The following CFAP299 variants were observed in gnomAD, a reference collection of about 807,000 sequenced individuals.
CFAP299 encodes cilia- and flagella-associated protein 299.
In CFAP299, 21 loss-of-function variants were observed where a neutral mutation model predicts 27.0. The observed-to-expected ratio is 0.78, with a 90% confidence interval of 0.55 to 1.12. The LOEUF (loss-of-function observed/expected upper bound fraction) is 1.12. Among genes scored for constraint, CFAP299 ranks in the 50% most tolerant of loss-of-function variants. CFAP299 has a pLI of 0.00. For synonymous variants in CFAP299, 104 were observed against 98.1 expected (o/e 1.06, Z -0.36); for missense variants, 310 against 276.6 (o/e 1.12, Z -0.86).
At chr4:80,388,282 T>A in intron 2 of CFAP299, 1 of 688,980 alleles carries the variant, frequency 1.5e-6, no homozygotes, top group Non-Finnish European at 2.7e-6. Flanking sequence ...ATGTGAAGCC[T>A]GAAATGGCAG....
chr4:80,398,132 CA>C (rs1331623736), intron 2 of CFAP299, among the ~76,000 whole-genome samples: 4 of 152,056 alleles, frequency 2.6e-5, no homozygotes, highest in Non-Finnish European at 5.9e-5. Flanking sequence ...ACTTACAAGG[CA>C]TGTGAAGGAC....
rs372111422 is a variant in CFAP299, at chr4:80,436,956, T to C, written c.242+74072T>C. ...GCATAAAAAATAAGCATTTATTTTT[T>C]ACTCATGATTTGAAGGAATTGCTTT... On this transcript the variant is annotated intron_variant, in intron 2 of 5. Transcript: ENST00000358105. Among the ~76,000 whole-genome samples the C allele has an allele frequency of 1.1e-3, 171 of 152,328 alleles. 2 individuals carry two copies. The South Asian group carries it at 0.019, about 17-fold the overall frequency.
intron 3 of CFAP299, among the ~76,000 whole-genome samples, chr4:80,605,094 T>C (rs1180628455): frequency 6.6e-6 from 1 of 152,202 alleles, no homozygotes; most frequent in Non-Finnish European, 1.5e-5. Context: ...TTTTCAAAGC[T>C]ACATTTTTCA....
chr4:80,902,606 C>T (rs907687192), intron 4 of CFAP299, among the ~76,000 whole-genome samples: 4 of 148,172 alleles, frequency 2.7e-5, no homozygotes, highest in African/African-American at 7.5e-5. Context: ...CACACACACA[C>T]ACACACACAC....
intron 2 of CFAP299, among the ~76,000 whole-genome samples, chr4:80,548,006 C>G (rs1004550800): frequency 1.3e-5 from 2 of 151,944 alleles, no homozygotes; most frequent in African/African-American, 4.8e-5. Context: ...ACCATTTGAC[C>G]CAGCAATCCC....
At chr4:80,401,336 A>C (rs1726141580) in intron 2 of CFAP299, among the ~76,000 whole-genome samples, 1 of 152,098 alleles carries the variant, frequency 6.6e-6, no homozygotes, top group African/African-American at 2.4e-5. Flanking sequence ...ACAGGCCCAG[A>C]GGTTCAGGAG....
intron 2 of CFAP299, among the ~76,000 whole-genome samples, chr4:80,561,184 GAATT>G (rs1288368540): frequency 6.6e-6 from 1 of 152,116 alleles, no homozygotes; most frequent in Non-Finnish European, 1.5e-5. Context: ...GTAATCCAGT[GAATT>G]CTCCTGGAAC....
intron 3 of CFAP299, among the ~76,000 whole-genome samples, chr4:80,603,414 A>T (rs1305236576): frequency 6.6e-6 from 1 of 152,178 alleles, no homozygotes; most frequent in Non-Finnish European, 1.5e-5. Flanking sequence ...ATGTACATAT[A>T]TGCCTACACA....
intron 2 of CFAP299, among the ~76,000 whole-genome samples, chr4:80,497,384 T>A (rs1731504994): frequency 6.6e-6 from 1 of 152,174 alleles, no homozygotes; most frequent in Non-Finnish European, 1.5e-5. Flanking sequence ...TGTTGATAAA[T>A]GAAACACTGC....
intron 3 of CFAP299, among the ~76,000 whole-genome samples, chr4:80,618,107 A>T (rs1738390834): frequency 6.6e-6 from 1 of 152,136 alleles, no homozygotes; most frequent in South Asian, 2.1e-4. Context: ...AAAGATCGGG[A>T]TGAAGGGGTA....
chr4:80,569,251 T>G (rs1224243834), intron 2 of CFAP299, among the ~76,000 whole-genome samples: 1 of 152,106 alleles, frequency 6.6e-6, no homozygotes, highest in East Asian at 1.9e-4. Context: ...AAAGTGAATT[T>G]TGGATGTGAA....
Position 80,579,073 on chromosome 4 carries a change from T to C in CFAP299, c.243-4020T>C, listed in dbSNP as rs187919131. Among the ~76,000 whole-genome samples, 33 of 152,254 alleles carry C rather than the reference T, an allele frequency of 2.2e-4. 1 individual carries two copies. The highest frequency in any genetic ancestry group is 1.9e-3 in the Admixed American group (29 of 15,276). On this transcript the variant is annotated intron_variant, in intron 2 of 5. Coordinates refer to ENST00000358105, the MANE Select transcript of CFAP299 (RefSeq NM_152770.3). ...AAATGACAGTGGCTGAAAGCAAATA[T>C]AAATTCTTTTCAGTCTCATATTCAA...
intron 4 of CFAP299, among the ~76,000 whole-genome samples, chr4:80,931,145 AAGTG>A (rs3038546): frequency 0.077 from 10,432 of 135,120 alleles, 422 homozygotes; most frequent in Non-Finnish European, 0.11. Context: ...ACATAATAAT[AAGTG>A]AGTGAGTGAG....
intron 1 of CFAP299, among the ~76,000 whole-genome samples, chr4:80,357,553 G>A (rs1723335694): frequency 6.6e-6 from 1 of 152,070 alleles, no homozygotes; most frequent in Non-Finnish European, 1.5e-5. Flanking sequence ...GTTCTTCCTG[G>A]TTCAGTCTGG....
intron 3 of CFAP299, among the ~76,000 whole-genome samples, chr4:80,622,405 G>C (rs1458386338): frequency 6.6e-6 from 1 of 152,166 alleles, no homozygotes; most frequent in Non-Finnish European, 1.5e-5. Context: ...GTCATCCCCA[G>C]CTGAGTTAGA....
At chr4:80,771,256 T>G (rs578048857) in intron 3 of CFAP299, among the ~76,000 whole-genome samples, 1 of 152,184 alleles carries the variant, frequency 6.6e-6, no homozygotes, top group African/African-American at 2.4e-5. Flanking sequence ...TAATTTAATA[T>G]GCTAAAACCA....
chr4:80,724,447 A>C (rs1329842300), intron 3 of CFAP299, among the ~76,000 whole-genome samples: 1 of 152,040 alleles, frequency 6.6e-6, no homozygotes, highest in Non-Finnish European at 1.5e-5. Flanking sequence ...TCATTTAAAA[A>C]ATGAGTAATT....
At chr4:80,854,810 GAAAA>G (rs58533748) in intron 3 of CFAP299, among the ~76,000 whole-genome samples, 2,304 of 43,070 alleles carry the variant, frequency 0.053, 16 homozygotes, top group African/African-American at 0.091. Flanking sequence ...CTGTTGCTAT[GAAAA>G]AAAAAAAAAA....
chr4:80,831,656 T>C (rs1730307755), intron 3 of CFAP299, among the ~76,000 whole-genome samples: 1 of 152,182 alleles, frequency 6.6e-6, no homozygotes, highest in Non-Finnish European at 1.5e-5. Context: ...GTGAGTTACA[T>C]ACAATGAATT....
Sources: gnomAD v4.1 joint callset for allele counts (sites outside exome capture counted in the v4.1 genomes callset) on GRCh38, gnomAD v4.1.1 for gene constraint, MANE v1.5 for transcripts, NCBI Gene and HGNC (gene_info 2026-07-23, HGNC 2026-07-21) for gene names.